The following MEI4 variants were observed in gnomAD, a reference collection of about 807,000 sequenced individuals.
MEI4 encodes the protein meiosis-specific protein MEI4.
In MEI4, 27 loss-of-function variants were observed where a neutral mutation model predicts 31.4. The observed-to-expected ratio is 0.86, with a 90% CI of 0.63 to 1.19. The LOEUF is 1.19. Ranked by LOEUF, MEI4 falls within the 50% of genes most tolerant of loss-of-function variation. MEI4 has a pLI of 0.00. For synonymous variants in MEI4, 122 were observed against 145.4 expected, an observed-to-expected ratio of 0.84 and a Z score of 1.16; for missense variants, 329 against 398.9, an observed-to-expected ratio of 0.82 and a Z score of 1.49.
chr6:77,714,997 G>A (rs1470778186), intron 2 of MEI4, among the ~76,000 whole-genome samples: 1 of 152,156 alleles, frequency 6.6e-6, no homozygotes, highest in Non-Finnish European at 1.5e-5. Context: ...ATGGGAGGAA[G>A]CCATGCCTTA....
chr6:77,857,099 C>A (rs1770764520), intron 4 of MEI4, among the ~76,000 whole-genome samples: 1 of 152,052 alleles, frequency 6.6e-6, no homozygotes, highest in Non-Finnish European at 1.5e-5. Context: ...CATCTCCCAG[C>A]AGTTTTTTTT....
intron 2 of MEI4, among the ~76,000 whole-genome samples, chr6:77,697,789 G>T (rs539289080): frequency 1.6e-4 from 24 of 152,290 alleles, no homozygotes; most frequent in African/African-American, 5.5e-4. Context: ...AGGTCCGCTT[G>T]ATACAGAGCT....
intron 3 of MEI4, among the ~76,000 whole-genome samples, chr6:77,773,030 G>C (rs1403684416): frequency 6.6e-6 from 1 of 151,930 alleles, no homozygotes; most frequent in Non-Finnish European, 1.5e-5. Flanking sequence ...ACTGATGAAA[G>C]AAATAGGAGA....
intron 2 of MEI4, among the ~76,000 whole-genome samples, chr6:77,756,660 CCT>C (rs1490338155): frequency 4.7e-5 from 7 of 148,518 alleles, no homozygotes; most frequent in Admixed American, 2.7e-4. Context: ...TCTTTGTATT[CCT>C]CTCTCTCCCC....
intron 3 of MEI4, among the ~76,000 whole-genome samples, chr6:77,786,823 A>T (rs1345102296): frequency 6.6e-6 from 1 of 152,236 alleles, no homozygotes; most frequent in African/African-American, 2.4e-5. Context: ...TATAAGAATA[A>T]GACTAAAAAT....
chr6:77,764,828 T>G (rs1561979970), intron 3 of MEI4, among the ~76,000 whole-genome samples: 2 of 152,152 alleles, frequency 1.3e-5, no homozygotes, highest in African/African-American at 4.8e-5. Flanking sequence ...TTGACAAGTA[T>G]GTAGAAACTA....
At chr6:77,716,167 G>A (rs1197388128) in intron 2 of MEI4, among the ~76,000 whole-genome samples, 1 of 152,228 alleles carries the variant, frequency 6.6e-6, no homozygotes, top group Non-Finnish European at 1.5e-5. Context: ...GCAGAAAACA[G>A]ATGGTTAACG....
At chr6:77,732,079 T>G (rs935329897) in intron 2 of MEI4, among the ~76,000 whole-genome samples, 2 of 150,756 alleles carry the variant, frequency 1.3e-5, no homozygotes, top group Non-Finnish European at 2.9e-5. Context: ...CCAGCTTTGT[T>G]CTTTTGACTT....
intron 4 of MEI4, among the ~76,000 whole-genome samples, chr6:77,836,613 A>G (rs1000566272): frequency 7.9e-5 from 12 of 152,226 alleles, no homozygotes; most frequent in African/African-American, 2.9e-4. Context: ...TACTTCTCTA[A>G]AACAAACTAA....
At chr6:77,780,053 G>T (rs190312354) in intron 3 of MEI4, among the ~76,000 whole-genome samples, 29 of 152,270 alleles carry the variant, frequency 1.9e-4, no homozygotes, top group African/African-American at 7.0e-4. Context: ...GTATTTCAAG[G>T]ATCATTGCAG....
In MEI4 at chr6:77,861,638, A is replaced by G. The variant is rs1047846319; in HGVS notation, c.900+32576A>G. 5.9e-5 allele frequency among the ~76,000 whole-genome samples: 9 copies of G among 152,202 alleles called. 1 individual carries two copies. Among genetic ancestry groups the G allele is most frequent in the African/African-American group, 2.2e-4 (9 of 41,462 alleles). On this transcript the variant is annotated intron_variant, in intron 4 of 4. Transcript: ENST00000684080. ...GCAAGTGCATTCTCTGAAAGGCCAC[A>G]TGTATATTCATACAAGTTTGAGTTC...
chr6:77,912,341 T>A (rs1766451953), intron 4 of MEI4, among the ~76,000 whole-genome samples: 2 of 152,082 alleles, frequency 1.3e-5, no homozygotes, highest in Admixed American at 1.3e-4. Context: ...ATTTTAGGAT[T>A]GTTTCTATTT....
chr6:77,677,888 A>G (rs1466503242), intron 1 of MEI4, among the ~76,000 whole-genome samples: 1 of 152,204 alleles, frequency 6.6e-6, no homozygotes, highest in Non-Finnish European at 1.5e-5. Flanking sequence ...TATTTTCTGT[A>G]TTTCAGTAAT....
At chr6:77,650,390 G>A (rs1434803686), upstream of MEI4, among the ~76,000 whole-genome samples, 3 of 152,168 alleles carry the variant, frequency 2.0e-5, no homozygotes, top group South Asian at 4.1e-4. Flanking sequence ...GTGGTCTCCG[G>A]GACCTGCTCC....
chr6:77,690,438 A>G (rs554693162), intron 1 of MEI4, among the ~76,000 whole-genome samples: 2 of 152,118 alleles, frequency 1.3e-5, no homozygotes, highest in South Asian at 2.1e-4. Flanking sequence ...TAAACCTACT[A>G]TTGAATCTTA....
chr6:77,692,873 G>C lies in MEI4; in HGVS notation c.232+1970G>C, dbSNP rs111554249. 4.0e-3 allele frequency among the ~76,000 whole-genome samples: 610 copies of C among 152,148 alleles called. 6 individuals carry two copies. Among genetic ancestry groups the C allele is most frequent in the African/African-American group, 0.014 (567 of 41,526 alleles). On this transcript the variant is annotated intron_variant, in intron 2 of 4. Transcript: ENST00000684080. ...AAGTATGGTCAGAGAGGATGAGCAT[G>C]CTAGAACTACAGACACAGACTTAGG...
intron 2 of MEI4, among the ~76,000 whole-genome samples, chr6:77,742,521 C>A (rs1767439573): frequency 6.6e-6 from 1 of 152,058 alleles, no homozygotes; most frequent in Non-Finnish European, 1.5e-5. Flanking sequence ...TGGATATTAG[C>A]CCCTTGGTGA....
chr6:77,885,857 T>C (rs1256418593), intron 4 of MEI4, among the ~76,000 whole-genome samples: 1 of 152,184 alleles, frequency 6.6e-6, no homozygotes. Context: ...GCCTACTTTC[T>C]TGAGAATTTT....
At chr6:77,841,944 C>G (rs961178524) in intron 4 of MEI4, among the ~76,000 whole-genome samples, 2 of 151,970 alleles carry the variant, frequency 1.3e-5, no homozygotes, top group African/African-American at 2.4e-5. Flanking sequence ...AATCGTGAAG[C>G]AAAAATTGAT....
Sources: gnomAD v4.1 joint callset for allele counts (sites outside exome capture counted in the v4.1 genomes callset) on GRCh38, gnomAD v4.1.1 for gene constraint, MANE v1.5 for transcripts, NCBI Gene and HGNC (gene_info 2026-07-23, HGNC 2026-07-21) for gene names.